Variants in L3MBTL4 observed in about 807,000 individuals in gnomAD.
The protein encoded by L3MBTL4 is L3MBTL histone methyl-lysine binding protein 4, also known as lethal(3)malignant brain tumor-like protein 4.
L3MBTL4 carries 70 observed loss-of-function variants against 84.5 expected under a neutral mutation model. That is an observed-to-expected ratio of 0.83 (90% CI 0.68 to 1.01). The LOEUF is 1.01. Among genes scored for constraint, L3MBTL4 ranks in the 50% least tolerant of loss-of-function variants. The pLI, the probability that L3MBTL4 is intolerant of heterozygous loss-of-function variation, is 0.00. For synonymous variants in L3MBTL4, 274 were observed against 259.8 expected, an observed-to-expected ratio of 1.05 and a Z score of -0.52; for missense variants, 715 against 754.8, an observed-to-expected ratio of 0.95 and a Z score of 0.62.
intron 1 of L3MBTL4, among the ~76,000 whole-genome samples, chr18:6,351,736 A>G (rs2053205470): frequency 6.6e-6 from 1 of 152,010 alleles, no homozygotes; most frequent in Non-Finnish European, 1.5e-5. Context: ...TATTTTTAGT[A>G]GAGACGGGGT....
At chr18:5,972,019 T>C (rs1348095310) in intron 16 of L3MBTL4, among the ~76,000 whole-genome samples, 1 of 152,108 alleles carries the variant, frequency 6.6e-6, no homozygotes, top group Non-Finnish European at 1.5e-5. Context: ...TAAAACTGAA[T>C]TTGGGAGTGC....
intron 1 of L3MBTL4, among the ~76,000 whole-genome samples, chr18:6,382,784 C>A (rs1490622781): frequency 1.3e-5 from 2 of 152,208 alleles, no homozygotes; most frequent in Non-Finnish European, 2.9e-5. Flanking sequence ...TCAGGATACA[C>A]AGGGGTCAGA....
intron 13 of L3MBTL4, among the ~76,000 whole-genome samples, chr18:6,169,643 C>G (rs1286174863): frequency 7.6e-6 from 1 of 131,592 alleles, no homozygotes. Flanking sequence ...AACACATGGA[C>G]ACAGGAAGGG....
intron 16 of L3MBTL4, among the ~76,000 whole-genome samples, chr18:6,039,165 T>C (rs937841587): frequency 6.6e-6 from 1 of 151,984 alleles, no homozygotes; most frequent in African/African-American, 2.4e-5. Flanking sequence ...CTCCCCAAAC[T>C]GTGATCTTGA....
At chr18:6,232,421 C>T (rs1784358355) in intron 10 of L3MBTL4, among the ~76,000 whole-genome samples, 1 of 151,988 alleles carries the variant, frequency 6.6e-6, no homozygotes, top group Admixed American at 6.6e-5. Context: ...GGAAGTGTTC[C>T]CTCATCTTCT....
chr18:6,146,487 G>T (rs1193613822), intron 13 of L3MBTL4, among the ~76,000 whole-genome samples: 1 of 152,206 alleles, frequency 6.6e-6, no homozygotes, highest in Admixed American at 6.5e-5. Context: ...CTCAGTCCAT[G>T]CAACGGTTGA....
At chr18:6,071,139 C>T (rs1180580725) in intron 16 of L3MBTL4, among the ~76,000 whole-genome samples, 2 of 151,962 alleles carry the variant, frequency 1.3e-5, no homozygotes, top group Non-Finnish European at 2.9e-5. Context: ...ACCTGTTATC[C>T]CAGCACTTTG....
intron 16 of L3MBTL4, among the ~76,000 whole-genome samples, chr18:6,002,941 T>C (rs1181676855): frequency 6.6e-6 from 1 of 151,400 alleles, no homozygotes; most frequent in Non-Finnish European, 1.5e-5. Context: ...ATTCTATCTA[T>C]AAGATACTCA....
At chr18:6,338,602 T>A (rs1045012380) in intron 1 of L3MBTL4, among the ~76,000 whole-genome samples, 1 of 151,774 alleles carries the variant, frequency 6.6e-6, no homozygotes, top group African/African-American at 2.4e-5. Flanking sequence ...AAAGAATGTA[T>A]CAAGTAGAAG....
At chr18:6,215,977 A>G (rs1260037042) in intron 10 of L3MBTL4, 142 bp from the exon 11 acceptor site, 1 of 508,676 alleles carries the variant, frequency 2.0e-6, no homozygotes, top group Non-Finnish European at 3.4e-6. Context: ...AACTTCAGAT[A>G]TATTAATTCA....
intron 15 of L3MBTL4, among the ~76,000 whole-genome samples, chr18:6,086,302 A>G (rs2058256853): frequency 6.6e-6 from 1 of 152,212 alleles, no homozygotes; most frequent in Non-Finnish European, 1.5e-5. Context: ...TGGACATTGT[A>G]GGACACACTG....
At chr18:6,080,845 G>C in intron 16 of L3MBTL4, 36 bp downstream of exon 16, 3 of 1,418,138 alleles carry the variant, frequency 2.1e-6, no homozygotes, top group Non-Finnish European at 3.0e-6. Context: ...ACAACAAAAA[G>C]TATATTCTGT....
chr18:6,120,761 C>A (rs946441372), intron 14 of L3MBTL4, among the ~76,000 whole-genome samples: 3 of 152,088 alleles, frequency 2.0e-5, no homozygotes, highest in Non-Finnish European at 2.9e-5. Flanking sequence ...TTTCAATGAG[C>A]TTTACACCTG....
chr18:6,400,517 C>T (rs1444854170), intron 1 of L3MBTL4, among the ~76,000 whole-genome samples: 2 of 152,168 alleles, frequency 1.3e-5, no homozygotes, highest in African/African-American at 2.4e-5. Context: ...TCAGATGATC[C>T]TCCCACTTCA....
chr18:6,215,905 G>A (rs1327266615), intron 10 of L3MBTL4, 70 bp from the exon 11 acceptor site: 12 of 834,246 alleles, frequency 1.4e-5, no homozygotes, highest in Admixed American at 8.3e-5. Context: ...ACTACAAAAC[G>A]TTGGATGATA....
intron 1 of L3MBTL4, among the ~76,000 whole-genome samples, chr18:6,373,930 GT>G (rs1198975117): frequency 3.3e-5 from 5 of 152,054 alleles, no homozygotes; most frequent in East Asian, 1.9e-4. Flanking sequence ...AATTATTGGG[GT>G]TTTTTTAAGG....
chr18:5,969,598 C>T, intron 16 of L3MBTL4, 36 bp from the exon 17 acceptor site: 1 of 1,560,128 alleles, frequency 6.4e-7, no homozygotes, highest in Non-Finnish European at 8.7e-7. Flanking sequence ...GGCTCAGGCT[C>T]CCAGAGAGCA....
In L3MBTL4 at chr18:5,958,121, GAAGAAGAAA is replaced by G. The variant is rs1471454908; in HGVS notation, c.1678-1743_1678-1735del. 7.6e-3 allele frequency among the ~76,000 whole-genome samples: 432 copies of G among 56,684 alleles called. 18 individuals carry two copies. Among genetic ancestry groups the G allele is most frequent in the African/African-American group, 0.021 (311 of 15,030 alleles). 37.2% of individuals were successfully genotyped at this position (56,684 alleles called of 152,430 possible). Reference sequence around the variant, plus strand: ...AGAAGAAGAAGAAGAAGAAGAAGAAGAAGAAGAAAAAGAAGAAGAAGAAGAAGAAGAAGA... The same window carrying G: ...AGAAGAAGAAGAAGAAGAAGAAGAAGAAGAAGAAGAAGAAGAAGAAGAAGA... On this transcript the variant is annotated intron_variant, in intron 18 of 18. Transcript: ENST00000317931.
intron 1 of L3MBTL4, among the ~76,000 whole-genome samples, chr18:6,331,829 C>T (rs1332528751): frequency 6.6e-6 from 1 of 150,780 alleles, no homozygotes; most frequent in Non-Finnish European, 1.5e-5. Flanking sequence ...ATATTGGAGA[C>T]AATCACCCAA....
Sources: allele counts gnomAD v4.1 joint callset (sites outside exome capture counted in the v4.1 genomes callset), GRCh38; gene constraint gnomAD v4.1.1; transcripts MANE v1.5; gene names NCBI Gene and HGNC (gene_info 2026-07-23, HGNC 2026-07-21).